LGALS9: variants seen among roughly 807,000 people sequenced by gnomAD.
LGALS9 encodes the protein galectin 9.
In LGALS9, 26 loss-of-function variants were observed where a neutral mutation model predicts 35.9. The observed-to-expected ratio is 0.72, with a 90% confidence interval of 0.53 to 1.01. The LOEUF (loss-of-function observed/expected upper bound fraction) is 1.01. Ranked by LOEUF, LGALS9 falls within the 50% of genes least tolerant of loss-of-function variation. The pLI is 0.00. For synonymous variants in LGALS9, 149 were observed against 172.2 expected (o/e 0.87, Z 1.06); for missense variants, 347 against 445.8 (o/e 0.78, Z 1.99).
chr17:27,648,557 A>G (rs1395633045), intron 10 of LGALS9, among the ~76,000 whole-genome samples: 1 of 152,058 alleles, frequency 6.6e-6, no homozygotes, highest in African/African-American at 2.4e-5. Context: ...CCAGGCCCAG[A>G]GCACTCCTGT....
At chr17:27,641,944 CA>C (rs199792432) in intron 3 of LGALS9, among the ~76,000 whole-genome samples, 1 of 148,570 alleles carries the variant, frequency 6.7e-6, no homozygotes, top group East Asian at 2.0e-4. Flanking sequence ...TCTCAAAAAA[CA>C]AAAAAAAACA....
chr17:27,633,033 G>A (rs190910923), intron 1 of LGALS9, among the ~76,000 whole-genome samples: 8 of 152,296 alleles, frequency 5.3e-5, no homozygotes, highest in Admixed American at 5.2e-4. Flanking sequence ...AGGGCCTGGG[G>A]GAAGCTGGAA....
At chr17:27,641,228 T>C (rs1412866377) in intron 3 of LGALS9, among the ~76,000 whole-genome samples, 2 of 152,038 alleles carry the variant, frequency 1.3e-5, no homozygotes, top group Non-Finnish European at 2.9e-5. Flanking sequence ...AGCCTGTGGG[T>C]AAGTCAGTCC....
chr17:27,647,438 G>T lies in LGALS9; in HGVS notation c.921+6G>T. 1.2e-6 allele frequency: 2 copies of T among 1,614,128 alleles called. No individual in the cohort carries two copies. Among genetic ancestry groups the T allele is most frequent in the South Asian group, 2.2e-5 (2 of 91,064 alleles). ...TCCGTGGCCAGAGCTTCTCAGTAAG[G>T]CACCGCAGTCTGGAGCTTGGAGAGG... On this transcript the variant is annotated splice_donor_region_variant and intron_variant, in intron 10 of 10. Coordinates refer to ENST00000395473, the MANE Select transcript of LGALS9 (RefSeq NM_009587.3).
chr17:27,645,282 A>C, intron 5 of LGALS9, 32 bp from the exon 6 acceptor site: 1 of 1,613,806 alleles, frequency 6.2e-7, no homozygotes, highest in Non-Finnish European at 8.5e-7. Context: ...TGCCCGCGAT[A>C]ACCACCATTC....
rs572894928 is a variant in LGALS9, at chr17:27,636,684, G to T, written c.40-1579G>T. Among the ~76,000 whole-genome samples the T allele has an allele frequency of 1.6e-4, 24 of 151,930 alleles. No homozygotes were observed. In the South Asian group the frequency reaches 5.0e-3, roughly 32 times the overall value. On this transcript the variant is annotated intron_variant, in intron 1 of 10. Transcript: ENST00000395473. ...ATGGGGGTCCCATTACGTTGTTCAG[G>T]CTGGCCTCAAACTCCTGGGCTCAAG...
chr17:27,635,776 G>GT (rs1235361728), intron 1 of LGALS9, among the ~76,000 whole-genome samples: 1 of 152,180 alleles, frequency 6.6e-6, no homozygotes, highest in Admixed American at 6.5e-5. Flanking sequence ...TCTCATGATA[G>GT]TATGAAAGGC....
chr17:27,631,540 G>GCTGTC (rs1401510546), intron 1 of LGALS9, among the ~76,000 whole-genome samples: 11 of 152,204 alleles, frequency 7.2e-5, no homozygotes, highest in East Asian at 3.8e-4. Flanking sequence ...TGTTGACTGA[G>GCTGTC]CTGTCCTGTC....
intron 5 of LGALS9, chr17:27,644,948 A>T: frequency 4.5e-6 from 1 of 224,070 alleles, no homozygotes; most frequent in Non-Finnish European, 8.8e-6. Flanking sequence ...GAAGCCCAGG[A>T]ATCGACCCAC....
Position 27,631,260 on chromosome 17 carries a change from G to A in LGALS9, c.-6G>A, listed in dbSNP as rs556095959. On this transcript the variant is annotated 5_prime_UTR_variant, in exon 1 of 11. Coordinates refer to ENST00000395473, the MANE Select transcript of LGALS9 (RefSeq NM_009587.3). ...AGGCAGCGGTGGCCACAGAGGCGGC[G>A]GAGAGATGGCCTTCAGCGGTTCCCA... The A allele has an allele frequency of 7.2e-5, 116 of 1,614,166 alleles. No homozygotes were observed. The highest frequency in any genetic ancestry group is 8.0e-5 in the Non-Finnish European group (94 of 1,180,022).
At chr17:27,635,993 T>C (rs1210310131) in intron 1 of LGALS9, among the ~76,000 whole-genome samples, 1 of 152,180 alleles carries the variant, frequency 6.6e-6, no homozygotes, top group Non-Finnish European at 1.5e-5. Context: ...TTGAGGTCAC[T>C]AAAGTACTTA....
intron 1 of LGALS9, among the ~76,000 whole-genome samples, chr17:27,634,838 G>A (rs2074428337): frequency 6.6e-6 from 1 of 152,132 alleles, no homozygotes; most frequent in Non-Finnish European, 1.5e-5. Context: ...TGGCCCACTG[G>A]TAACCAGTGT....
intron 4 of LGALS9, 78 bp from the exon 5 acceptor site, chr17:27,643,447 C>T: frequency 6.3e-7 from 1 of 1,594,852 alleles, no homozygotes; most frequent in East Asian, 2.3e-5. Context: ...CTCCCTCTTG[C>T]CCCTGCCTCT....
intron 8 of LGALS9, 150 bp downstream of exon 8, chr17:27,646,738 A>T (rs1904978305): frequency 1.5e-6 from 2 of 1,368,192 alleles, no homozygotes; most frequent in East Asian, 4.6e-5. Context: ...GCGAATTAGA[A>T]GGCTGTGGAG....
chr17:27,645,904 T>C lies in LGALS9; in HGVS notation c.620T>C (p.Met207Thr), dbSNP rs376604708. The stretch of plus-strand genomic sequence containing the variant: ...ACAGTGCAGAGCGCCCCTGGACAGA[T>C]GTTCTCTGTAAGTCTACAAGTTCTG... ...IHTVQSAPGQ[M>T]FSTPAIPPMM... Residue 207 changes from methionine (M) to threonine (T), a missense_variant, in exon 7 of 11, where the codon ATG (methionine) becomes ACG (threonine). Met to Thr is a moderately conservative substitution (Grantham distance 81, BLOSUM62 -1). Coordinates refer to ENST00000395473, the MANE Select transcript of LGALS9 (RefSeq NM_009587.3). 4.4e-6 allele frequency: 7 copies of C among 1,595,768 alleles called. No individual in the cohort carries two copies. The African/African-American group carries it at 9.4e-5, about 22-fold the overall frequency.
intron 2 of LGALS9, chr17:27,640,325 A>G: frequency 1.7e-6 from 1 of 583,242 alleles, no homozygotes; most frequent in Non-Finnish European, 3.1e-6. Context: ...TAATACCAGC[A>G]CTTTTCCTTA....
At chr17:27,643,467 C>T in intron 4 of LGALS9, 58 bp from the exon 5 acceptor site, 1 of 1,606,992 alleles carries the variant, frequency 6.2e-7, no homozygotes, top group Non-Finnish European at 8.5e-7. Flanking sequence ...TGCCTTTCGG[C>T]TTCTCCTTGG....
intron 7 of LGALS9, 134 bp downstream of exon 7, chr17:27,646,045 T>C: frequency 1.4e-6 from 1 of 733,682 alleles, no homozygotes; most frequent in Non-Finnish European, 2.3e-6. Context: ...GCTGAGTGCT[T>C]GGCTCAGGTG....
rs375265393 is a variant in LGALS9, at chr17:27,631,231, T to C, written c.-35T>C. On this transcript the variant is annotated 5_prime_UTR_variant, in exon 1 of 11. Transcript: ENST00000395473. ...TCTACAAAGGACTTCCTAGTGGGTG[T>C]GAAAGGCAGCGGTGGCCACAGAGGC... is the stretch of plus-strand genomic sequence containing the variant. 1.3e-5 allele frequency: 21 copies of C among 1,614,004 alleles called. No homozygotes were observed. In the African/African-American group the frequency reaches 2.5e-4, roughly 19 times the overall value.
Sources: allele counts gnomAD v4.1 joint callset (sites outside exome capture counted in the v4.1 genomes callset), GRCh38; gene constraint gnomAD v4.1.1; transcripts MANE v1.5; gene names NCBI Gene and HGNC (gene_info 2026-07-23, HGNC 2026-07-21).